The following INTS4 variants were observed in gnomAD, a reference collection of about 807,000 sequenced individuals.
The protein encoded by INTS4 is MSTP093.
In INTS4, 70 loss-of-function variants were observed where a neutral mutation model predicts 119.5. That is an observed-to-expected ratio of 0.59 (90% CI 0.48 to 0.71). The LOEUF is 0.71. Among genes scored for constraint, INTS4 ranks in the 30% least tolerant of loss-of-function variants. INTS4 has a pLI of 0.00. For synonymous variants in INTS4, 316 were observed against 419.6 expected (o/e 0.75, Z 3.02); for missense variants, 867 against 1,173.2 (o/e 0.74, Z 3.81).
At chr11:77,898,987 T>A (rs1232932335) in intron 18 of INTS4, among the ~76,000 whole-genome samples, 1 of 152,182 alleles carries the variant, frequency 6.6e-6, no homozygotes, top group Non-Finnish European at 1.5e-5. Flanking sequence ...GCCACTGCAC[T>A]CCAGCCTGGG....
chr11:77,922,735 G>A, intron 12 of INTS4: 1 of 431,156 alleles, frequency 2.3e-6, no homozygotes, highest in Non-Finnish European at 4.3e-6. Context: ...AGAGAGCCCT[G>A]ATTTTACTCA....
At chr11:77,875,181 A>G (rs951198072), downstream of INTS4, among the ~76,000 whole-genome samples, 4 of 152,224 alleles carry the variant, frequency 2.6e-5, no homozygotes, top group African/African-American at 7.2e-5. Context: ...GCAGCATGCC[A>G]TGGTACTGCT....
chr11:77,909,011 A>G (rs772334467), intron 15 of INTS4, among the ~76,000 whole-genome samples: 3 of 152,270 alleles, frequency 2.0e-5, no homozygotes, highest in Non-Finnish European at 4.4e-5. Context: ...GTCTGTCTGG[A>G]TATGTGACCT....
chr11:77,899,080 A>G (rs955752264), intron 18 of INTS4, among the ~76,000 whole-genome samples: 8 of 152,156 alleles, frequency 5.3e-5, no homozygotes, highest in African/African-American at 1.7e-4. Context: ...AACCCTTACA[A>G]TAACCCTGTG....
At chr11:77,972,285 G>A (rs966866908) in intron 4 of INTS4, among the ~76,000 whole-genome samples, 1 of 152,080 alleles carries the variant, frequency 6.6e-6, no homozygotes, top group African/African-American at 2.4e-5. Flanking sequence ...TTTTTGTAGA[G>A]ATGGGGTTTT....
Position 77,981,506 on chromosome 11 carries a change from G to A in INTS4, c.317C>T (p.Ser106Leu). The A allele has an allele frequency of 6.4e-7, 1 of 1,573,438 alleles. No homozygotes were observed. Residue 106 changes from serine (S) to leucine (L), a missense_variant, in exon 3 of 23, where the codon TCA becomes TTA. Ser to Leu is a moderately radical substitution (Grantham distance 145). Around this residue, in one of 5 missense-constraint regions of INTS4, gnomAD observed 224 missense variants for 231.8 expected, o/e 0.97. Transcript: ENST00000534064. The part of the protein sequence containing the change: ...LGLLSKTAGF[S>L]PDCIMDDAIN... ...GGCATCATCCATAATGCAGTCTGGT[G>A]AAAATCCTGCTGTCTTTGATAATAA...
chr11:77,954,563 G>A, intron 8 of INTS4, among the ~76,000 whole-genome samples: 1 of 152,154 alleles, frequency 6.6e-6, no homozygotes, highest in Non-Finnish European at 1.5e-5. Flanking sequence ...TTGGCATCCG[G>A]GTTCAGTTTC....
intron 14 of INTS4, among the ~76,000 whole-genome samples, chr11:77,920,280 CATAT>C (rs1210532440): frequency 2.2e-5 from 1 of 44,950 alleles, no homozygotes; most frequent in African/African-American, 1.0e-4. Flanking sequence ...TATATATACA[CATAT>C]ATATATATAC....
rs1555038533 is a variant in INTS4 at position 77,961,154 on chromosome 11, A to AG, written c.472-17_472-16insC. 3 of 1,537,676 alleles carry AG rather than the reference A, an allele frequency of 2.0e-6. No individual in the cohort carries two copies. Among genetic ancestry groups the AG allele is most frequent in the Admixed American group, 2.2e-5 (1 of 44,686 alleles). ...CTGTCAGATGCTATTAAAAAAAAAA[A>AG]AAAAAAGAAAAAAAGAAAAAGAAAA... On this transcript the variant is annotated splice_polypyrimidine_tract_variant and intron_variant, in intron 4 of 22. Coordinates refer to ENST00000534064, the MANE Select transcript of INTS4 (RefSeq NM_033547.4).
At chr11:77,944,025 A>G (rs1565262290) in intron 8 of INTS4, among the ~76,000 whole-genome samples, 1 of 152,200 alleles carries the variant, frequency 6.6e-6, no homozygotes, top group Non-Finnish European at 1.5e-5. Context: ...AAGGCTTATA[A>G]AAGTAGTGAC....
intron 4 of INTS4, chr11:77,977,768 T>C (rs2136634831): frequency 6.6e-6 from 1 of 151,736 alleles, no homozygotes; most frequent in African/African-American, 2.4e-5. Flanking sequence ...TCACAACCCA[T>C]TCATTATGAC....
intron 16 of INTS4, among the ~76,000 whole-genome samples, chr11:77,904,345 G>A (rs1312774441): frequency 2.0e-5 from 3 of 152,062 alleles, no homozygotes; most frequent in Non-Finnish European, 2.9e-5. Context: ...TCGTAGCCAC[G>A]GTTTTTAAAT....
At chr11:77,876,449 A>G (rs184218634), downstream of INTS4, among the ~76,000 whole-genome samples, 145 of 151,906 alleles carry the variant, frequency 9.5e-4, no homozygotes, top group South Asian at 2.5e-3. Flanking sequence ...TCAGATAGAG[A>G]AAAACTAAAA....
intron 4 of INTS4, among the ~76,000 whole-genome samples, chr11:77,961,903 C>T (rs990789125): frequency 2.0e-5 from 3 of 152,148 alleles, no homozygotes; most frequent in African/African-American, 7.2e-5. Context: ...TTGGCTATTT[C>T]GAATAATGCT....
intron 2 of INTS4, among the ~76,000 whole-genome samples, chr11:77,990,263 C>CGTCTGCA (rs1403646501): frequency 1.3e-5 from 2 of 150,694 alleles, no homozygotes; most frequent in Non-Finnish European, 2.9e-5. Flanking sequence ...AGTAGTGGCA[C>CGTCTGCA]GTCTGCAGTC....
chr11:77,891,404 C>T lies in INTS4; in HGVS notation c.2507G>A (p.Arg836Gln). ...GGCAACCACCAACCCAGAGGTAAAC[C>T]GCAAAGGGTTGTCTGACTCGCCCGC... is the stretch of plus-strand genomic sequence containing the variant. ...EPAGESDNPL[R>Q]FTSGLVVALD... Residue 836 changes from arginine to glutamine, a missense_variant, in exon 21 of 23, where the codon CGG becomes CAG. Arg to Gln is a conservative substitution (Grantham distance 43). Coordinates refer to ENST00000534064, the MANE Select transcript of INTS4 (RefSeq NM_033547.4). 1.4e-5 allele frequency: 23 copies of T among 1,613,198 alleles called. No homozygotes were observed. The highest frequency in any genetic ancestry group is 1.9e-5 in the Non-Finnish European group (22 of 1,179,576).
intron 12 of INTS4, among the ~76,000 whole-genome samples, chr11:77,923,900 G>A (rs111455555): frequency 0.024 from 3,590 of 150,914 alleles, 99 homozygotes; most frequent in African/African-American, 0.069. Context: ...AAGTATCTGG[G>A]ATTACAGGCG....
intron 4 of INTS4, among the ~76,000 whole-genome samples, chr11:77,967,340 C>A (rs1457740186): frequency 6.6e-6 from 1 of 152,148 alleles, no homozygotes; most frequent in Non-Finnish European, 1.5e-5. Flanking sequence ...TATGCCCACA[C>A]AGCCAGTGGT....
chr11:77,991,073 G>A, intron 2 of INTS4, 35 bp downstream of exon 2: 1 of 1,555,984 alleles, frequency 6.4e-7, no homozygotes, highest in South Asian at 1.1e-5. Context: ...CAACTCCCAT[G>A]ATATACTCCC....
Sources: allele counts gnomAD v4.1 joint callset (sites outside exome capture counted in the v4.1 genomes callset), GRCh38; gene constraint gnomAD v4.1.1; regional missense constraint gnomAD v4.1.1; transcripts MANE v1.5; gene names NCBI Gene and HGNC (gene_info 2026-07-23, HGNC 2026-07-21).